DROSHA: variants seen among roughly 807,000 people sequenced by gnomAD.
The protein encoded by DROSHA is ribonuclease 3.
In DROSHA, 56 loss-of-function variants were observed where a neutral mutation model predicts 181.9. The ratio of observed to expected loss-of-function variants is 0.31; its 90% CI spans 0.25 to 0.38. The LOEUF (loss-of-function observed/expected upper bound fraction) is 0.38, where lower values mean the gene tolerates loss of function less well. Among genes scored for constraint, DROSHA ranks in the 10% least tolerant of loss-of-function variants. The pLI is 1.00. For missense variants in DROSHA, 1,218 were observed against 1,743.5 expected (o/e 0.70, Z 5.37); for synonymous variants, 524 against 591.2 (o/e 0.89, Z 1.65).
chr5:31,412,705 T>G (rs547006598), intron 30 of DROSHA, among the ~76,000 whole-genome samples: 2 of 152,302 alleles, frequency 1.3e-5, no homozygotes, highest in African/African-American at 4.8e-5. Flanking sequence ...TTCTTCAATA[T>G]AGAGTTTCAC....
intron 35 of DROSHA, among the ~76,000 whole-genome samples, chr5:31,405,441 A>C (rs1460721781): frequency 1.3e-5 from 2 of 151,782 alleles, no homozygotes; most frequent in African/African-American, 4.8e-5. Context: ...TGAGATTAGG[A>C]CTCTAAGCAA....
chr5:31,528,073 G>A (rs930507920), intron 4 of DROSHA, among the ~76,000 whole-genome samples: 2 of 151,948 alleles, frequency 1.3e-5, no homozygotes, highest in Non-Finnish European at 2.9e-5. Flanking sequence ...TTCTCTGGCT[G>A]TTCCTCCTGG....
intron 13 of DROSHA, among the ~76,000 whole-genome samples, chr5:31,490,251 AG>A (rs1752254096): frequency 6.7e-6 from 1 of 149,206 alleles, no homozygotes; most frequent in Non-Finnish European, 1.5e-5. Context: ...TGGGGCAATC[AG>A]CTCACTGCAG....
At position 31,514,664 on chromosome 5, in the gene DROSHA, T is replaced by G. The variant is rs1739081558; in HGVS notation, c.1290+324A>C. 6.6e-6 allele frequency among the ~76,000 whole-genome samples: 1 copy of G among 152,100 alleles called. No individual in the cohort carries two copies. Among genetic ancestry groups the G allele is most frequent in the African/African-American group, 2.4e-5 (1 of 41,426 alleles). ...TGTCTCAAAAATAAATAAATAAAAATGCATTATAAAAAGATATTTTAATTA... is the reference window on the plus strand; with the variant it reads ...TGTCTCAAAAATAAATAAATAAAAAGGCATTATAAAAAGATATTTTAATTA... On this transcript the variant is annotated intron_variant, in intron 8 of 35. Coordinates refer to ENST00000344624, the MANE Select transcript of DROSHA (RefSeq NM_001382508.1). This position sits in a 1 kb window ranked among gnomAD's most constrained non-coding sequence, Gnocchi z 4.4.
intron 3 of DROSHA, among the ~76,000 whole-genome samples, chr5:31,530,249 T>C (rs1238912316): frequency 6.6e-6 from 1 of 152,038 alleles, no homozygotes; most frequent in Non-Finnish European, 1.5e-5. Flanking sequence ...GCCTCCAAAA[T>C]AGCTGGAACT....
Position 31,472,071 on chromosome 5 carries a change from G to T in DROSHA, c.2233C>A (p.Pro745Thr). Residue 745 changes from proline (P) to threonine (T), a missense_variant, in exon 17 of 36, where the codon CCT (proline) becomes ACT (threonine). This residue lies in a region of DROSHA where 460 missense variants were observed against 774.2 expected (regional missense o/e 0.59). Transcript: ENST00000344624. Reference sequence around the variant, plus strand: ...CAGACACCAGAACATACCGTCCCAGGGTTGGTAACAATCATGCCTTTGCAT... The same window carrying T: ...CAGACACCAGAACATACCGTCCCAGTGTTGGTAACAATCATGCCTTTGCAT... ...EECKGMIVTN[P>T]GTKPSSVRID... is the part of the protein sequence containing the mutation. The T allele has an allele frequency of 6.2e-7, 1 of 1,613,544 alleles. No homozygotes were observed. Among genetic ancestry groups the T allele is most frequent in the Non-Finnish European group, 8.5e-7 (1 of 1,179,694 alleles).
rs1193299965 is a variant in DROSHA, at chr5:31,410,795, G to T, written c.3618C>A (p.Thr1206=). ...TGGTGCGAAGCGCCACAGGCCTCTTGGTCTTGTCGTTGGTTATGGCGTACT... is the reference window on the plus strand; with the variant it reads ...TGGTGCGAAGCGCCACAGGCCTCTTTGTCTTGTCGTTGGTTATGGCGTACT... ...MQEYAITNDK[T]KRPVALRTKT... The change falls in exon 31 of 36, where the codon ACC becomes ACA. Residue 1206 remains threonine (T), a synonymous_variant. Coordinates refer to ENST00000344624, the MANE Select transcript of DROSHA (RefSeq NM_001382508.1). The T allele has an allele frequency of 6.2e-7, 1 of 1,613,978 alleles. No homozygotes were observed. Among genetic ancestry groups the T allele is most frequent in the Non-Finnish European group, 8.5e-7 (1 of 1,179,854 alleles).
chr5:31,448,391 T>C (rs1257323651), intron 23 of DROSHA, among the ~76,000 whole-genome samples, 156 bp downstream of exon 23: 3 of 152,214 alleles, frequency 2.0e-5, no homozygotes, highest in Non-Finnish European at 4.4e-5. Context: ...GGGTTTCTCT[T>C]TGGGGTAATG....
At chr5:31,406,133 G>T (rs1443432881) in intron 34 of DROSHA, among the ~76,000 whole-genome samples, 1 of 152,104 alleles carries the variant, frequency 6.6e-6, no homozygotes, top group Non-Finnish European at 1.5e-5. Context: ...AGAGTTCAAA[G>T]AAAGGTGATA....
intron 11 of DROSHA, among the ~76,000 whole-genome samples, 198 bp from the exon 12 acceptor site, chr5:31,495,570 C>T (rs368221353): frequency 1.3e-5 from 2 of 152,212 alleles, no homozygotes; most frequent in Admixed American, 6.5e-5. Flanking sequence ...AGCTCTCAGC[C>T]GCTTCCTCAG....
intron 30 of DROSHA, among the ~76,000 whole-genome samples, chr5:31,416,819 C>A (rs996273613): frequency 1.5e-4 from 23 of 152,282 alleles, no homozygotes; most frequent in Admixed American, 1.3e-3. Flanking sequence ...TTTGCCTGTT[C>A]TTTAGAAACT....
intron 23 of DROSHA, among the ~76,000 whole-genome samples, chr5:31,441,749 T>C (rs1745624364): frequency 6.6e-6 from 1 of 152,162 alleles, no homozygotes; most frequent in Non-Finnish European, 1.5e-5. Context: ...CTGGTAAGGA[T>C]AGAAATAAGA....
In DROSHA at chr5:31,435,968, A is replaced by G. The variant is rs1450849333; in HGVS notation, c.2943-104T>C. On this transcript the variant is annotated intron_variant, in intron 24 of 35. Transcript: ENST00000344624. ...CTGGCACACAGTAGCTGTGCAATGGATATCAGGTGAATCAAACTAAAGGAT... is the reference window on the plus strand; with the variant it reads ...CTGGCACACAGTAGCTGTGCAATGGGTATCAGGTGAATCAAACTAAAGGAT... 9 of 937,612 alleles carry G rather than the reference A, an allele frequency of 9.6e-6. No individual in the cohort carries two copies. The Admixed American group carries it at 2.2e-4, about 23-fold the overall frequency. The allele number at this position is 937,612 out of a possible 1,614,324, so 58.1% of individuals were successfully genotyped here.
At chr5:31,427,778 T>G (rs986795585) in intron 27 of DROSHA, among the ~76,000 whole-genome samples, 6 of 152,226 alleles carry the variant, frequency 3.9e-5, no homozygotes, top group Non-Finnish European at 7.3e-5. Flanking sequence ...CTAATTAGGC[T>G]TTCATGATGC....
At chr5:31,410,190 G>A (rs1156700378) in intron 31 of DROSHA, among the ~76,000 whole-genome samples, 1 of 152,094 alleles carries the variant, frequency 6.6e-6, no homozygotes, top group Non-Finnish European at 1.5e-5. Flanking sequence ...CTAAGGCTCA[G>A]TGAATGGCCC....
intron 11 of DROSHA, among the ~76,000 whole-genome samples, chr5:31,498,621 G>A (rs76772758): frequency 6.6e-6 from 1 of 152,120 alleles, no homozygotes; most frequent in East Asian, 1.9e-4. Context: ...ACTTTGGGAG[G>A]CCAAGGTGGG....
chr5:31,412,908 G>A (rs967399382), intron 30 of DROSHA, among the ~76,000 whole-genome samples: 1 of 152,160 alleles, frequency 6.6e-6, no homozygotes, highest in African/African-American at 2.4e-5. Flanking sequence ...GGCTGTGGGG[G>A]AATAGGATGG....
intron 8 of DROSHA, among the ~76,000 whole-genome samples, chr5:31,512,280 C>T (rs148573127): frequency 6.6e-6 from 1 of 152,336 alleles, no homozygotes; most frequent in South Asian, 2.1e-4. Flanking sequence ...CTGCACCACA[C>T]AGACGACAAA....
chr5:31,502,854 G>GTTTCA (rs1229265196), intron 11 of DROSHA, among the ~76,000 whole-genome samples: 3 of 152,232 alleles, frequency 2.0e-5, no homozygotes, highest in Non-Finnish European at 2.9e-5. Flanking sequence ...AGCGGGTGGA[G>GTTTCA]TTTCAGGCAG....
Sources: allele counts gnomAD v4.1 joint callset (sites outside exome capture counted in the v4.1 genomes callset), GRCh38; gene constraint gnomAD v4.1.1; regional missense constraint gnomAD v4.1.1; non-coding constraint Gnocchi (gnomAD v3.1); transcripts MANE v1.5; gene names NCBI Gene and HGNC (gene_info 2026-07-23, HGNC 2026-07-21).